The following TMCC2 variants were observed in gnomAD, a reference collection of about 807,000 sequenced individuals.
The protein encoded by TMCC2 is transmembrane and coiled-coil domain family 2.
In TMCC2, 16 loss-of-function variants were observed where a neutral mutation model predicts 49.4. The observed-to-expected ratio is 0.32, with a 90% confidence interval of 0.22 to 0.49. TMCC2 has a LOEUF of 0.49. Ranked by LOEUF, TMCC2 falls within the 20% of genes least tolerant of loss-of-function variation. The pLI is 0.99. For missense variants in TMCC2, 762 were observed against 989.8 expected (o/e 0.77, Z 3.09); for synonymous variants, 397 against 434.1 (o/e 0.91, Z 1.06).
At chr1:205,257,191 G>A (rs541601444) in intron 2 of TMCC2, 2 of 1,232,530 alleles carry the variant, frequency 1.6e-6, no homozygotes, top group Admixed American at 4.2e-5. Flanking sequence ...CCCAGGCTGT[G>A]CCTCAGTCTG....
At chr1:205,256,383 T>C in intron 2 of TMCC2, 2 of 1,551,086 alleles carry the variant, frequency 1.3e-6, no homozygotes, top group Non-Finnish European at 1.7e-6. Context: ...CTGCTGGCAC[T>C]GTCAAGATGA....
intron 2 of TMCC2, among the ~76,000 whole-genome samples, chr1:205,253,804 A>G: frequency 6.6e-6 from 1 of 152,194 alleles, no homozygotes; most frequent in Non-Finnish European, 1.5e-5. Context: ...TCTTCCAGGT[A>G]CTGTCTGGAA....
At chr1:205,271,476 A>G (rs1398981212) in intron 4 of TMCC2, 17 of 730,006 alleles carry the variant, frequency 2.3e-5, no homozygotes, top group Non-Finnish European at 3.3e-5. Context: ...GCAAGCCCAC[A>G]GGGCAGAGGC....
intron 1 of TMCC2, among the ~76,000 whole-genome samples, chr1:205,235,638 G>C (rs946206277): frequency 1.3e-5 from 2 of 152,144 alleles, no homozygotes; most frequent in African/African-American, 4.8e-5. Context: ...TAGACTACTA[G>C]CATGCTACAT....
rs1431641545 is a variant in TMCC2 at position 205,272,834 on chromosome 1, C to G, written c.*710C>G. Reference sequence around the variant, plus strand: ...TCAGGGAAACAGGCCCCAGGGCCCCCCTGAGCCTCACCCTAAGCCCTTAGG... The same window carrying G: ...TCAGGGAAACAGGCCCCAGGGCCCCGCTGAGCCTCACCCTAAGCCCTTAGG... On this transcript the variant is annotated 3_prime_UTR_variant, in exon 5 of 5. Coordinates refer to ENST00000358024, the MANE Select transcript of TMCC2 (RefSeq NM_014858.4). The G allele has an allele frequency of 3.3e-5, 5 of 152,816 alleles. No homozygotes were observed. The highest frequency in any genetic ancestry group is 9.7e-5 in the African/African-American group (4 of 41,446). 9.5% of individuals were successfully genotyped at this position (152,816 alleles called of 1,614,324 possible). A position where few individuals can be genotyped will look rare whatever the true frequency, so the allele number is the denominator to read the frequency against.
In TMCC2 at chr1:205,241,481, G is replaced by T. The variant is rs543610771; in HGVS notation, c.208-24G>T. The stretch of plus-strand genomic sequence containing the variant: ...CAATCAAGAGCTTTCCACTCACCAG[G>T]GTTCTTCATCTCTCCCCCTTAAGAA... On this transcript the variant is annotated intron_variant, in intron 1 of 4. Coordinates refer to ENST00000358024, the MANE Select transcript of TMCC2 (RefSeq NM_014858.4). This position sits in a 1 kb window ranked among gnomAD's most constrained non-coding sequence, Gnocchi z 7.3. 4 of 1,610,216 alleles carry T rather than the reference G, an allele frequency of 2.5e-6. No homozygotes were observed. Among genetic ancestry groups the T allele is most frequent in the African/African-American group, 2.7e-5 (2 of 74,882 alleles).
At chr1:205,250,035 C>T (rs1660605231) in intron 2 of TMCC2, among the ~76,000 whole-genome samples, 3 of 152,220 alleles carry the variant, frequency 2.0e-5, no homozygotes, top group Admixed American at 1.3e-4. Flanking sequence ...TCCTCATGTT[C>T]AGGTGAAGCC....
At chr1:205,229,572 G>C (rs1381879684) in intron 1 of TMCC2, 56 of 865,180 alleles carry the variant, frequency 6.5e-5, no homozygotes, top group Admixed American at 2.7e-4. Context: ...TGGCGGGGGC[G>C]GGGGGGGAAG....
At chr1:205,246,871 C>T (rs1035885403) in intron 2 of TMCC2, among the ~76,000 whole-genome samples, 10 of 151,808 alleles carry the variant, frequency 6.6e-5, no homozygotes, top group African/African-American at 1.5e-4. Flanking sequence ...TGGGCACTGT[C>T]GGAAGCTGGT....
intron 1 of TMCC2, among the ~76,000 whole-genome samples, chr1:205,232,023 A>G (rs931208172): frequency 6.6e-6 from 1 of 152,190 alleles, no homozygotes; most frequent in African/African-American, 2.4e-5. Flanking sequence ...GAGAATTTTT[A>G]TCTTTGCCAA....
intron 2 of TMCC2, among the ~76,000 whole-genome samples, chr1:205,254,692 G>T (rs1660792666): frequency 6.6e-6 from 1 of 152,144 alleles, no homozygotes; most frequent in African/African-American, 2.4e-5. Flanking sequence ...GAGCTGCCAG[G>T]TGCCTGTGTT....
intron 2 of TMCC2, among the ~76,000 whole-genome samples, chr1:205,259,036 G>C (rs532634782): frequency 6.6e-6 from 1 of 152,328 alleles, no homozygotes; most frequent in South Asian, 2.1e-4. Context: ...TGGGAGCCCA[G>C]ACCTTGCTCC....
At chr1:205,238,254 A>G (rs1660133324) in intron 1 of TMCC2, among the ~76,000 whole-genome samples, 1 of 151,506 alleles carries the variant, frequency 6.6e-6, no homozygotes, top group East Asian at 1.9e-4. Flanking sequence ...TTTTTTTAAA[A>G]CACTTACTGT....
At chr1:205,267,762 G>T (rs1288319450) in intron 2 of TMCC2, 2 of 383,058 alleles carry the variant, frequency 5.2e-6, no homozygotes, top group African/African-American at 4.4e-5. Context: ...TCCGACTTTG[G>T]TGCCACCCTG....
intron 2 of TMCC2, among the ~76,000 whole-genome samples, chr1:205,267,025 C>T (rs1321853132): frequency 6.6e-6 from 1 of 152,142 alleles, no homozygotes. Context: ...TTAAGGGAGA[C>T]TGTGGGTATG....
chr1:205,229,609 C>T, intron 1 of TMCC2: 1 of 976,824 alleles, frequency 1.0e-6, no homozygotes, highest in Non-Finnish European at 1.2e-6. Flanking sequence ...TAGGTGGAGC[C>T]AGAGGTTAAG....
chr1:205,257,149 G>A (rs1388964806), intron 2 of TMCC2: 1 of 1,232,566 alleles, frequency 8.1e-7, no homozygotes, highest in Non-Finnish European at 1.0e-6. Flanking sequence ...CCAGGGGAGG[G>A]GGAAATCTCC....
intron 2 of TMCC2, among the ~76,000 whole-genome samples, chr1:205,246,971 C>T (rs1660477791): frequency 1.3e-5 from 2 of 152,006 alleles, no homozygotes; most frequent in Non-Finnish European, 2.9e-5. Context: ...CCATGTGGCT[C>T]ACTGTGCCCA....
chr1:205,237,334 T>C (rs1660092437), intron 1 of TMCC2, among the ~76,000 whole-genome samples: 1 of 152,158 alleles, frequency 6.6e-6, no homozygotes, highest in Non-Finnish European at 1.5e-5. Context: ...TGGCCCTGTT[T>C]CCATAGAGAC....
Sources: gnomAD v4.1 joint callset for allele counts (sites outside exome capture counted in the v4.1 genomes callset) on GRCh38, gnomAD v4.1.1 for gene constraint, Gnocchi (gnomAD v3.1) non-coding constraint, MANE v1.5 for transcripts, NCBI Gene and HGNC (gene_info 2026-07-23, HGNC 2026-07-21) for gene names.